The following ABR variants were observed in gnomAD, a reference collection of about 807,000 sequenced individuals.
ABR encodes the protein ABR activator of RhoGEF and GTPase.
Under a neutral mutation model 107.2 loss-of-function variants are expected in ABR, and 35 were observed. That is an observed-to-expected ratio of 0.33 (90% CI 0.25 to 0.43). The LOEUF is 0.43. ABR is among the 20% of genes least tolerant of loss of function. The probability of loss-of-function intolerance (pLI) is 1.00; values close to 1 mark genes in which losing one functional copy is unlikely to be tolerated. For missense variants in ABR, 815 were observed against 1,115.2 expected (o/e 0.73, Z 3.83); for synonymous variants, 498 against 462.0 (o/e 1.08, Z -1.00).
intron 5 of ABR, among the ~76,000 whole-genome samples, chr17:1,080,464 C>T (rs2036139538): frequency 6.6e-6 from 1 of 152,236 alleles, no homozygotes; most frequent in Non-Finnish European, 1.5e-5. Flanking sequence ...ATACCATCCC[C>T]ACTTGGCAGA....
chr17:1,152,102 A>G (rs1343843102), intron 1 of ABR, among the ~76,000 whole-genome samples: 1 of 152,140 alleles, frequency 6.6e-6, no homozygotes, highest in South Asian at 2.1e-4. Flanking sequence ...ATCCTGGTTA[A>G]CACGGGGAAA....
intron 1 of ABR, among the ~76,000 whole-genome samples, chr17:1,220,017 C>T (rs1015058614): frequency 2.6e-5 from 4 of 151,964 alleles, no homozygotes; most frequent in Non-Finnish European, 4.4e-5. Flanking sequence ...AGTGGCCGGG[C>T]GCGGTGGCTC....
chr17:1,223,723 C>T (rs925366660), intron 1 of ABR, among the ~76,000 whole-genome samples: 5 of 152,100 alleles, frequency 3.3e-5, no homozygotes, highest in African/African-American at 7.2e-5. Flanking sequence ...TTACAATCAC[C>T]GCGGAAGGCA....
At chr17:1,016,208 G>C (rs1461786671) in intron 16 of ABR, among the ~76,000 whole-genome samples, 1 of 152,002 alleles carries the variant, frequency 6.6e-6, no homozygotes, top group Non-Finnish European at 1.5e-5. Flanking sequence ...TGAAAATTGA[G>C]TCCTCCATCA....
intron 3 of ABR, among the ~76,000 whole-genome samples, chr17:1,094,048 C>A (rs972543881): frequency 2.6e-5 from 4 of 152,132 alleles, no homozygotes; most frequent in Non-Finnish European, 5.9e-5. Context: ...CCCTCGGTGT[C>A]CGGTCAGGCC....
chr17:1,023,234 C>T (rs2071866428), intron 16 of ABR, among the ~76,000 whole-genome samples: 1 of 152,264 alleles, frequency 6.6e-6, no homozygotes, highest in South Asian at 2.1e-4. Flanking sequence ...CTGGCACCCA[C>T]TTTGCTTTTA....
At chr17:1,109,579 A>T (rs936096416) in intron 2 of ABR, among the ~76,000 whole-genome samples, 5 of 151,674 alleles carry the variant, frequency 3.3e-5, no homozygotes, top group African/African-American at 1.2e-4. Context: ...CGCTTCCCAG[A>T]CGCATCTTCA....
At chr17:1,107,078 G>C (rs2038302098) in intron 2 of ABR, among the ~76,000 whole-genome samples, 1 of 152,242 alleles carries the variant, frequency 6.6e-6, no homozygotes, top group Non-Finnish European at 1.5e-5. Context: ...GAATTCTAGA[G>C]GTGTTCAGGA....
At chr17:1,055,820 C>A in intron 14 of ABR, 1 of 535,902 alleles carries the variant, frequency 1.9e-6, no homozygotes, top group Non-Finnish European at 3.4e-6. Context: ...AGCCACCGCG[C>A]CCGGCCCCTA....
chr17:1,040,099 C>T (rs912162168), intron 16 of ABR, among the ~76,000 whole-genome samples: 4 of 152,136 alleles, frequency 2.6e-5, no homozygotes, highest in Non-Finnish European at 5.9e-5. Context: ...CGTTACCGGC[C>T]GTCGATCATC....
At chr17:1,048,487 G>A (rs958372484) in intron 16 of ABR, among the ~76,000 whole-genome samples, 4 of 152,264 alleles carry the variant, frequency 2.6e-5, no homozygotes, top group African/African-American at 4.8e-5. Flanking sequence ...AAAAAGCATC[G>A]TTCAGCTCCC....
At position 1,010,655 on chromosome 17, in the gene ABR, C is replaced by A; in HGVS notation, c.2236+74G>T. ...AAGGAAGCCACAGATATTTCTCCTG[C>A]TGGTTACTTCTCCGGGCAGGGAGTC... On this transcript the variant is annotated intron_variant, in intron 20 of 22. Transcript: ENST00000302538. The surrounding 1 kb of genome is among the most constrained non-coding windows in gnomAD (Gnocchi z 4.1). 6.4e-7 allele frequency: 1 copy of A among 1,569,242 alleles called. No individual in the cohort carries two copies.
intron 1 of ABR, chr17:1,153,952 C>A: frequency 6.1e-6 from 1 of 164,806 alleles, no homozygotes; most frequent in Non-Finnish European, 1.3e-5. Flanking sequence ...CCGCTCCAGC[C>A]TGCCAGGCGG....
intron 1 of ABR, among the ~76,000 whole-genome samples, chr17:1,170,051 G>A (rs1226895082): frequency 6.6e-6 from 1 of 151,656 alleles, no homozygotes; most frequent in Non-Finnish European, 1.5e-5. Context: ...AGCACTTCTT[G>A]CCAATAATTC....
intron 1 of ABR, among the ~76,000 whole-genome samples, chr17:1,172,138 T>C (rs2041738097): frequency 6.6e-6 from 1 of 152,166 alleles, no homozygotes; most frequent in Non-Finnish European, 1.5e-5. Flanking sequence ...GACAAAAAAC[T>C]GGGCGAGAGG....
At chr17:1,226,299 C>G in intron 1 of ABR, among the ~76,000 whole-genome samples, 2 of 152,322 alleles carry the variant, frequency 1.3e-5, no homozygotes, top group South Asian at 4.1e-4. Context: ...AATCGCTCCA[C>G]TCTAATGCCT....
chr17:1,058,136 CTT>C (rs71148422), intron 11 of ABR, 91 bp from the exon 12 acceptor site: 3,855 of 314,300 alleles, frequency 0.012, no homozygotes, highest in Middle Eastern at 0.018. Flanking sequence ...CTCCTTTTAT[CTT>C]TTTTTTTTTT....
At chr17:1,018,652 A>G (rs565503053) in intron 16 of ABR, among the ~76,000 whole-genome samples, 1 of 152,242 alleles carries the variant, frequency 6.6e-6, no homozygotes, top group South Asian at 2.1e-4. Flanking sequence ...TGAGTCTCCC[A>G]TTCAACCGTG....
Position 1,042,595 on chromosome 17 carries a change from G to A in ABR, c.1791+7455C>T, listed in dbSNP as rs140338194. 3.6e-3 allele frequency among the ~76,000 whole-genome samples: 549 copies of A among 151,232 alleles called. 1 individual carries two copies. Among genetic ancestry groups the A allele is most frequent in the Non-Finnish European group, 5.7e-3 (390 of 67,940 alleles). On this transcript the variant is annotated intron_variant, in intron 16 of 22. Coordinates refer to ENST00000302538, the MANE Select transcript of ABR (RefSeq NM_021962.5). ...AGACATGGCACCTACGTCCACAGAC[G>A]GATGGATGGACGAAGAGACGTGGCA...
Sources: allele counts gnomAD v4.1 joint callset (sites outside exome capture counted in the v4.1 genomes callset), GRCh38; gene constraint gnomAD v4.1.1; non-coding constraint Gnocchi (gnomAD v3.1); transcripts MANE v1.5; gene names NCBI Gene and HGNC (gene_info 2026-07-23, HGNC 2026-07-21).